INPP4B: variants seen among roughly 807,000 people sequenced by gnomAD.
INPP4B encodes inositol polyphosphate 4-phosphatase type II.
A neutral mutation model predicts 122.5 loss-of-function variants in INPP4B; 55 were observed. The observed-to-expected ratio is 0.45, with a 90% CI of 0.36 to 0.56. INPP4B has a LOEUF of 0.56. Ranked by LOEUF, INPP4B falls within the 20% of genes least tolerant of loss-of-function variation. The pLI is 0.00. For synonymous variants in INPP4B, 403 were observed against 388.7 expected (o/e 1.04, Z -0.43); for missense variants, 1,000 against 1,097.7 (o/e 0.91, Z 1.26).
At chr4:142,694,964 C>A (rs1760817538) in intron 2 of INPP4B, among the ~76,000 whole-genome samples, 1 of 149,066 alleles carries the variant, frequency 6.7e-6, no homozygotes, top group South Asian at 2.1e-4. Context: ...ACTATTGATC[C>A]AGTAATAAAA....
At chr4:142,617,459 C>G (rs897517069) in intron 2 of INPP4B, among the ~76,000 whole-genome samples, 3 of 152,070 alleles carry the variant, frequency 2.0e-5, no homozygotes, top group Non-Finnish European at 4.4e-5. Context: ...AGAATATAAT[C>G]TCCCCTCCCT....
chr4:142,824,059 T>C (rs1309932813), intron 1 of INPP4B, among the ~76,000 whole-genome samples: 1 of 152,058 alleles, frequency 6.6e-6, no homozygotes, highest in Non-Finnish European at 1.5e-5. Context: ...GACATTCATC[T>C]CCTCCTGCCC....
rs1215372674 is a variant in INPP4B, at chr4:142,025,893, CAG to C, written c.*2887_*2888del. On this transcript the variant is annotated 3_prime_UTR_variant, in exon 26 of 26. Coordinates refer to ENST00000262992, the MANE Select transcript of INPP4B (RefSeq NM_001101669.3). Reference sequence around the variant, plus strand: ...AACTTATGTTCAGGGATTGTTTTGGCAGAGTGTAGACAAACCTCAAGGCGATA... The same window carrying C: ...AACTTATGTTCAGGGATTGTTTTGGCAGTGTAGACAAACCTCAAGGCGATA... 1 of 152,030 alleles carries C rather than the reference CAG, an allele frequency of 6.6e-6. No individual in the cohort carries two copies. The highest frequency in any genetic ancestry group is 1.5e-5 in the Non-Finnish European group (1 of 68,006). The allele number at this position is 152,030 out of a possible 1,614,324, so 9.4% of individuals were successfully genotyped here.
At position 142,640,876 on chromosome 4, in the gene INPP4B, T is replaced by A. The variant is rs180918014; in HGVS notation, c.-191+84963A>T. Among the ~76,000 whole-genome samples the A allele has an allele frequency of 1.4e-4, 21 of 152,288 alleles. No homozygotes were observed. The East Asian group carries it at 4.0e-3, about 29-fold the overall frequency. On this transcript the variant is annotated intron_variant, in intron 2 of 25. Transcript: ENST00000262992. ...GCTAATTAAAACTATAATGAGATAC[T>A]GCTAGACACTCAGCAGATTGGCTAA...
chr4:142,103,894 T>G (rs989672977), intron 23 of INPP4B, among the ~76,000 whole-genome samples: 6 of 152,062 alleles, frequency 3.9e-5, no homozygotes, highest in African/African-American at 1.2e-4. Flanking sequence ...AAAAAGTATT[T>G]TGTATACAAT....
At chr4:142,703,468 A>T (rs1043491422) in intron 2 of INPP4B, among the ~76,000 whole-genome samples, 1 of 152,206 alleles carries the variant, frequency 6.6e-6, no homozygotes, top group African/African-American at 2.4e-5. Flanking sequence ...ACAGATTGTT[A>T]AGAAGGCTAG....
At chr4:142,150,828 G>A (rs997861367) in intron 17 of INPP4B, among the ~76,000 whole-genome samples, 3 of 152,146 alleles carry the variant, frequency 2.0e-5, no homozygotes, top group Non-Finnish European at 4.4e-5. Context: ...GAGAAATCCT[G>A]ACTGCTTTGG....
At position 142,208,213 on chromosome 4, in the gene INPP4B, C is replaced by G. The variant is rs1308814771; in HGVS notation, c.1072+212G>C. Among the ~76,000 whole-genome samples, 5 of 152,022 alleles carry G rather than the reference C, an allele frequency of 3.3e-5. No homozygotes were observed. In the East Asian group the frequency reaches 9.6e-4, roughly 29 times the overall value. On this transcript the variant is annotated intron_variant, in intron 14 of 25. Coordinates refer to ENST00000262992, the MANE Select transcript of INPP4B (RefSeq NM_001101669.3). ...TTGCATTTTCATCTCTACCTCAATC[C>G]AGGTGAAACATTCATAAAGTATTTC...
intron 7 of INPP4B, among the ~76,000 whole-genome samples, chr4:142,355,315 C>T (rs878882952): frequency 8.3e-4 from 126 of 151,930 alleles, no homozygotes; most frequent in African/African-American, 2.9e-3. Context: ...CTAACACATC[C>T]GGACAACAGA....
At chr4:142,630,360 AT>A (rs1411621353) in intron 2 of INPP4B, among the ~76,000 whole-genome samples, 11 of 152,022 alleles carry the variant, frequency 7.2e-5, no homozygotes, top group Non-Finnish European at 1.3e-4. Context: ...TTTATCTTTT[AT>A]TTTTTAAATC....
chr4:142,816,609 G>C (rs1194632389), intron 1 of INPP4B, among the ~76,000 whole-genome samples: 1 of 151,828 alleles, frequency 6.6e-6, no homozygotes, highest in Non-Finnish European at 1.5e-5. Context: ...TCTTTAGAAA[G>C]TTGTGCATAA....
At position 142,314,692 on chromosome 4, in the gene INPP4B, G is replaced by C; in HGVS notation, c.423+20C>G. On this transcript the variant is annotated intron_variant, in intron 8 of 25. Transcript: ENST00000262992. ...TTAGAAGTGATGTGTGTGCCTTCTGGAAACGTTAGAAACACTTACCCCAAC... is the reference window on the plus strand; with the variant it reads ...TTAGAAGTGATGTGTGTGCCTTCTGCAAACGTTAGAAACACTTACCCCAAC... The C allele has an allele frequency of 6.3e-7, 1 of 1,599,180 alleles. No homozygotes were observed. Among genetic ancestry groups the C allele is most frequent in the Non-Finnish European group, 8.5e-7 (1 of 1,174,218 alleles).
At chr4:142,077,402 AT>A (rs1771386351) in intron 25 of INPP4B, among the ~76,000 whole-genome samples, 1 of 151,996 alleles carries the variant, frequency 6.6e-6, no homozygotes, top group Admixed American at 6.6e-5. Context: ...AGGAAAAATA[AT>A]AGTACAATGG....
chr4:142,350,138 T>A (rs1187529455), intron 7 of INPP4B, among the ~76,000 whole-genome samples: 1 of 151,996 alleles, frequency 6.6e-6, no homozygotes, highest in African/African-American at 2.4e-5. Context: ...GAATTGTATG[T>A]TGCTTTCCAC....
intron 2 of INPP4B, among the ~76,000 whole-genome samples, chr4:142,614,317 T>G (rs1280607498): frequency 6.6e-6 from 1 of 152,064 alleles, no homozygotes; most frequent in Non-Finnish European, 1.5e-5. Flanking sequence ...GTTCAATAAA[T>G]GATGCTGGGA....
rs973816099 is a variant in INPP4B, at chr4:142,524,689, A to G, written c.-190-61963T>C. Among the ~76,000 whole-genome samples, 18 of 152,206 alleles carry G rather than the reference A, an allele frequency of 1.2e-4. No homozygotes were observed. In the South Asian group the frequency reaches 2.7e-3, roughly 23 times the overall value. ...AAGGCCTTTGACAAAATTCAACAAC[A>G]CTTCATGCTAAAAACTCTCAATAAA... On this transcript the variant is annotated intron_variant, in intron 2 of 25. Coordinates refer to ENST00000262992, the MANE Select transcript of INPP4B (RefSeq NM_001101669.3).
rs541120887 is a variant in INPP4B, at chr4:142,745,863, T to C, written c.-253-19962A>G. On this transcript the variant is annotated intron_variant, in intron 1 of 25. Transcript: ENST00000262992. ...ATTTCAAAATAATAAAAGAGTAAAC[T>C]CATCAGAAAGATATGACAATCTTAA... Among the ~76,000 whole-genome samples the C allele has an allele frequency of 6.9e-4, 105 of 151,868 alleles. No individual in the cohort carries two copies. In the Middle Eastern group the frequency reaches 0.017, roughly 25 times the overall value.
intron 7 of INPP4B, among the ~76,000 whole-genome samples, chr4:142,358,286 T>C (rs979184491): frequency 1.3e-5 from 2 of 151,976 alleles, no homozygotes; most frequent in African/African-American, 4.8e-5. Flanking sequence ...GAGGTATGCA[T>C]TCCATTTTGT....
intron 17 of INPP4B, among the ~76,000 whole-genome samples, chr4:142,148,661 C>T (rs141363266): frequency 5.3e-4 from 80 of 152,304 alleles, no homozygotes; most frequent in African/African-American, 1.8e-3. Flanking sequence ...GACATTCACA[C>T]GTATATATTG....
Sources: allele counts gnomAD v4.1 joint callset (sites outside exome capture counted in the v4.1 genomes callset), GRCh38; gene constraint gnomAD v4.1.1; transcripts MANE v1.5; gene names NCBI Gene and HGNC (gene_info 2026-07-23, HGNC 2026-07-21).